Variants in A3GALT2 observed in about 807,000 individuals in gnomAD.
A3GALT2 encodes the protein alpha-1,3-galactosyltransferase 2.
A neutral mutation model predicts 16.6 loss-of-function variants in A3GALT2; 14 were observed. That is an observed-to-expected ratio of 0.84 (90% confidence interval 0.56 to 1.32). The LOEUF (loss-of-function observed/expected upper bound fraction) is 1.32, where lower values mean the gene tolerates loss of function less well. Ranked by LOEUF, A3GALT2 falls within the 40% of genes most tolerant of loss-of-function variation. A3GALT2 has a pLI of 0.00. For missense variants in A3GALT2, 600 were observed against 490.9 expected, an observed-to-expected ratio of 1.22 and a Z score of -2.10; for synonymous variants, 253 against 218.0, an observed-to-expected ratio of 1.16 and a Z score of -1.42.
intron 1 of A3GALT2, among the ~76,000 whole-genome samples, chr1:33,319,628 GCCTGCA>G (rs148427096): frequency 0.017 from 2,603 of 152,260 alleles, 68 homozygotes; most frequent in African/African-American, 0.059. Context: ...TGCGCACGTG[GCCTGCA>G]CTCCAGCAGC....
rs2148165002 is a variant in A3GALT2 at position 33,320,001 on chromosome 1, G to A, written c.23+1075C>T. Among the ~76,000 whole-genome samples the A allele has an allele frequency of 6.6e-6, 1 of 152,154 alleles. No homozygotes were observed. The highest frequency in any genetic ancestry group is 2.4e-5 in the African/African-American group (1 of 41,564). On this transcript the variant is annotated intron_variant, in intron 1 of 4. Transcript: ENST00000442999. This position sits in a 1 kb window ranked among gnomAD's most constrained non-coding sequence, Gnocchi z 4.3. ...TTGAGTAGGACTGCCCGATCCCCCA[G>A]CCAGAGCTTCCAGCATGGCATTTGG...
In A3GALT2 at chr1:33,307,102, C is replaced by A; in HGVS notation, c.687G>T (p.Ser229=). The A allele has an allele frequency of 6.5e-7, 1 of 1,529,708 alleles. No homozygotes were observed. The highest frequency in any genetic ancestry group is 8.8e-7 in the Non-Finnish European group (1 of 1,140,670). The allele number at this position is 1,529,708 out of a possible 1,614,324, so 94.8% of individuals were successfully genotyped here. Reference sequence around the variant, plus strand: ...CGTCGCGTTCGAAGGGCAGCAGCCACGACGGCCAGTGGTAGTGCCAGGAGT... The same window carrying A: ...CGTCGCGTTCGAAGGGCAGCAGCCAAGACGGCCAGTGGTAGTGCCAGGAGT... ...QLHSWHYHWP[S]WLLPFERDAH... is the part of the protein sequence containing the mutation. The change falls in exon 5 of 5, where the codon TCG becomes TCT. Residue 229 remains serine, a synonymous_variant. Transcript: ENST00000442999.
In A3GALT2 at chr1:33,307,342, G is replaced by A. The variant is rs1646200054; in HGVS notation, c.447C>T (p.Arg149=). ...VFTELPGAVP[R]VALGPGRRLP... is the part of the protein sequence containing the mutation. ...GCCGGCGTCCCGGGCCCAGCGCCAC[G>A]CGGGGCACCGCTCCCGGAAGCTCGG... The change falls in exon 5 of 5, where the codon CGC becomes CGT. Residue 149 remains arginine, a synonymous_variant. Coordinates refer to ENST00000442999, the MANE Select transcript of A3GALT2 (RefSeq NM_001080438.1). 1.3e-6 allele frequency: 2 copies of A among 1,539,184 alleles called. No individual in the cohort carries two copies. Among genetic ancestry groups the A allele is most frequent in the Middle Eastern group, 1.7e-4 (1 of 5,814 alleles).
chr1:33,313,253 C>T (rs887411584), intron 1 of A3GALT2: 4 of 160,704 alleles, frequency 2.5e-5, no homozygotes, highest in Admixed American at 7.0e-5. Context: ...GTGATCACAG[C>T]TCACTGCAGC....
chr1:33,307,172 C>G lies in A3GALT2; in HGVS notation c.617G>C (p.Gly206Ala). 1 of 1,552,448 alleles carries G rather than the reference C, an allele frequency of 6.4e-7. No individual in the cohort carries two copies. The highest frequency in any genetic ancestry group is 8.7e-7 in the Non-Finnish European group (1 of 1,152,550). ...GGCCAGCGCCTCGGGCCCAAAAGTG[C>G]CGCTGAAGTGCTGGTCCACGTCCAT... is the stretch of plus-strand genomic sequence containing the variant. ...FCMDVDQHFS[G>A]TFGPEALAES... Residue 206 changes from glycine (G) to alanine (A), a missense_variant, in exon 5 of 5, where the codon GGC (glycine) becomes GCC (alanine). Transcript: ENST00000442999.
At chr1:33,310,542 G>A (rs1388158098) in intron 4 of A3GALT2, among the ~76,000 whole-genome samples, 1 of 152,164 alleles carries the variant, frequency 6.6e-6, no homozygotes, top group Admixed American at 6.5e-5. Context: ...TTTATCATGT[G>A]GCAGCCACTG....
Position 33,307,507 on chromosome 1 carries a change from T to G in A3GALT2, c.336-54A>C, listed in dbSNP as rs1046240445. ...AGAGTGAAGCGAGGCGGGCCCGGCCTCCCCACCTCATCTCACCTCTACTCC... is the reference window on the plus strand; with the variant it reads ...AGAGTGAAGCGAGGCGGGCCCGGCCGCCCCACCTCATCTCACCTCTACTCC... On this transcript the variant is annotated intron_variant, in intron 4 of 4. Transcript: ENST00000442999. The G allele has an allele frequency of 9.7e-6, 13 of 1,343,392 alleles. No homozygotes were observed. In the African/African-American group the frequency reaches 2.3e-4, roughly 24 times the overall value. The allele number at this position is 1,343,392 out of a possible 1,614,324, so 83.2% of individuals were successfully genotyped here.
chr1:33,307,048 GC>G lies in A3GALT2; in HGVS notation c.740del (p.Gly247AlafsTer22). 6.6e-7 allele frequency: 1 copy of G among 1,507,036 alleles called. No individual in the cohort carries two copies. The allele number at this position is 1,507,036 out of a possible 1,614,324, so 93.4% of individuals were successfully genotyped here. A position where few individuals can be genotyped will look rare whatever the true frequency, so the allele number is the denominator to read the frequency against. On this transcript the variant is annotated frameshift_variant, in exon 5 of 5. Coordinates refer to ENST00000442999, the MANE Select transcript of A3GALT2 (RefSeq NM_001080438.1). LOFTEE classifies it low-confidence loss of function (END_TRUNC). Reference protein sequence around the residue: ...DAHSAAAMAWGQGDFYNHAAV... With the variant: ...DAHSAAAMAWXQGDFYNHAAV... ...CCGCGTGGTTATAGAAGTCGCCCTGGCCCCACGCCATCGCGGCGGCCGAATG... is the reference window on the plus strand; with the variant it reads ...CCGCGTGGTTATAGAAGTCGCCCTGGCCCACGCCATCGCGGCGGCCGAATG...
At chr1:33,310,262 AGCCTCG>A (rs1254373713) in intron 4 of A3GALT2, among the ~76,000 whole-genome samples, 1 of 152,202 alleles carries the variant, frequency 6.6e-6, no homozygotes, top group African/African-American at 2.4e-5. Flanking sequence ...AGTACAGTCC[AGCCTCG>A]GCTCGGCATC....
Position 33,310,198 on chromosome 1 carries a change from C to G in A3GALT2, c.335+1854G>C, listed in dbSNP as rs112159753. On this transcript the variant is annotated intron_variant, in intron 4 of 4. Transcript: ENST00000442999. ...CGCGCCTGCAATCCCAGGCACTCGG[C>G]AGGCTGAGGCAGGAGAATCAGTCAG... Among the ~76,000 whole-genome samples the G allele has an allele frequency of 3.2e-3, 484 of 152,314 alleles. 1 individual carries two copies. Among genetic ancestry groups the G allele is most frequent in the Middle Eastern group, 0.014 (4 of 294 alleles).
Position 33,307,215 on chromosome 1 carries a change from C to T in A3GALT2, c.574G>A (p.Ala192Thr), listed in dbSNP as rs749475554. The T allele has an allele frequency of 1.3e-5, 19 of 1,506,206 alleles. 1 individual carries two copies. In the South Asian group the frequency reaches 1.9e-4, roughly 15 times the overall value. The allele number at this position is 1,506,206 out of a possible 1,614,324, so 93.3% of individuals were successfully genotyped here. A position where few individuals can be genotyped will look rare whatever the true frequency, so the allele number is the denominator to read the frequency against. ...ACGTCCATGCAGAACATGAAGTGCG[C>T]CTCGCGGCCCGGCAGCCCGCCCAGC... ...AALGGLPGREAHFMFCMDVDQ... is the reference protein window; with the variant it reads ...AALGGLPGRETHFMFCMDVDQ... Residue 192 changes from alanine (A) to threonine (T), a missense_variant, in exon 5 of 5, where the codon GCG (alanine) becomes ACG (threonine). Transcript: ENST00000442999.
intron 4 of A3GALT2, among the ~76,000 whole-genome samples, chr1:33,308,750 G>GTTTTTTTTTTTTTTTGTTTTTTTTTT (rs1646216436): frequency 4.3e-5 from 2 of 46,128 alleles, no homozygotes; most frequent in East Asian, 9.7e-4. Flanking sequence ...TGTCAAAGTT[G>GTTTTTTTTTTTTTTTGTTTTTTTTTT]TTTTTTTTTT....
intron 1 of A3GALT2, chr1:33,314,891 A>G (rs1646254158): frequency 6.6e-6 from 1 of 152,214 alleles, no homozygotes; most frequent in Non-Finnish European, 1.5e-5. Flanking sequence ...CTCACTGGCA[A>G]TCAAAGATAT....
Position 33,307,064 on chromosome 1 carries a change from G to C in A3GALT2, c.725C>G (p.Ala242Gly). ...GTCGCCCTGGCCCCACGCCATCGCGGCGGCCGAATGCGCGTCGCGTTCGAA... is the reference window on the plus strand; with the variant it reads ...GTCGCCCTGGCCCCACGCCATCGCGCCGGCCGAATGCGCGTCGCGTTCGAA... ...LPFERDAHSAAAMAWGQGDFY... is the reference protein window; with the variant it reads ...LPFERDAHSAGAMAWGQGDFY... The change falls in exon 5 of 5, where the codon GCC (alanine) becomes GGC (glycine). Residue 242 changes from alanine to glycine, a missense_variant. Coordinates refer to ENST00000442999, the MANE Select transcript of A3GALT2 (RefSeq NM_001080438.1). 6.6e-7 allele frequency: 1 copy of C among 1,517,008 alleles called. No homozygotes were observed. Among genetic ancestry groups the C allele is most frequent in the Non-Finnish European group, 8.8e-7 (1 of 1,135,510 alleles). The allele number at this position is 1,517,008 out of a possible 1,614,324, so 94.0% of individuals were successfully genotyped here.
At chr1:33,317,852 A>C (rs911740577) in intron 1 of A3GALT2, among the ~76,000 whole-genome samples, 1 of 152,234 alleles carries the variant, frequency 6.6e-6, no homozygotes, top group Non-Finnish European at 1.5e-5. Context: ...CTGAAATTCA[A>C]AATGCTCCAG....
At chr1:33,312,781 C>T (rs1482176353) in intron 2 of A3GALT2, 26 bp downstream of exon 2, 81 of 1,579,420 alleles carry the variant, frequency 5.1e-5, no homozygotes, top group Non-Finnish European at 6.9e-5. Context: ...GGTCCTACCT[C>T]AAGTGCTGGG....
intron 1 of A3GALT2, among the ~76,000 whole-genome samples, chr1:33,319,280 G>A (rs767773925): frequency 6.6e-6 from 1 of 152,210 alleles, no homozygotes. Flanking sequence ...GAAGCACTGA[G>A]TTGGGACACT....
At chr1:33,308,750 G>GTTTTTTTTTTTTTTTTTTTT (rs56655319) in intron 4 of A3GALT2, among the ~76,000 whole-genome samples, 9 of 46,126 alleles carry the variant, frequency 2.0e-4, no homozygotes, top group African/African-American at 6.1e-4. Flanking sequence ...TGTCAAAGTT[G>GTTTTTTTTTTTTTTTTTTTT]TTTTTTTTTT....
At chr1:33,312,465 G>A in intron 3 of A3GALT2, 36 bp downstream of exon 3, 1 of 1,529,216 alleles carries the variant, frequency 6.5e-7, no homozygotes, top group Non-Finnish European at 8.8e-7. Context: ...AGGGTTTGGG[G>A]GTGCCCTTGG....
Sources: gnomAD v4.1 joint callset for allele counts (sites outside exome capture counted in the v4.1 genomes callset) on GRCh38, gnomAD v4.1.1 for gene constraint, Gnocchi (gnomAD v3.1) non-coding constraint, MANE v1.5 for transcripts, NCBI Gene and HGNC (gene_info 2026-07-23, HGNC 2026-07-21) for gene names.